Variants in SLC24A5 observed in about 807,000 individuals in gnomAD.
SLC24A5 encodes the protein sodium/potassium/calcium exchanger 5.
In SLC24A5, 46 loss-of-function variants were observed where a neutral mutation model predicts 51.6. The ratio of observed to expected loss-of-function variants is 0.89; its 90% confidence interval spans 0.70 to 1.14. The LOEUF (loss-of-function observed/expected upper bound fraction) is 1.14, where lower values mean the gene tolerates loss of function less well. Among genes scored for constraint, SLC24A5 ranks in the 50% most tolerant of loss-of-function variants. The pLI is 0.00. For synonymous variants in SLC24A5, 230 were observed against 214.9 expected (o/e 1.07, Z -0.62); for missense variants, 581 against 604.1 (o/e 0.96, Z 0.40).
At chr15:48,136,191 A>G (rs984946695) in intron 5 of SLC24A5, 2 of 152,132 alleles carry the variant, frequency 1.3e-5, no homozygotes, top group African/African-American at 4.8e-5. Flanking sequence ...TCCCAGCCTA[A>G]GCCTCCCATA....
At chr15:48,122,884 T>C (rs2038694161) in intron 2 of SLC24A5, 1 of 152,150 alleles carries the variant, frequency 6.6e-6, no homozygotes, top group African/African-American at 2.4e-5. Context: ...AAGGATTGGG[T>C]TTCCTATTGC....
chr15:48,129,559 C>T (rs1309833418), intron 2 of SLC24A5, among the ~76,000 whole-genome samples: 1 of 151,938 alleles, frequency 6.6e-6, no homozygotes, highest in African/African-American at 2.4e-5. Context: ...CCACAGGACG[C>T]CAAATTGCAT....
chr15:48,137,805 A>C (rs1435280556), intron 6 of SLC24A5: 1 of 152,146 alleles, frequency 6.6e-6, no homozygotes, highest in Non-Finnish European at 1.5e-5. Context: ...AAAGAAGAAA[A>C]ACAGCTGAGG....
chr15:48,140,958 T>G (rs545377253), intron 7 of SLC24A5, 155 bp from the exon 8 acceptor site: 1 of 538,572 alleles, frequency 1.9e-6, no homozygotes, highest in African/African-American at 1.9e-5. Flanking sequence ...TTCAAATATG[T>G]TGCTAGCTAA....
intron 2 of SLC24A5, among the ~76,000 whole-genome samples, chr15:48,133,831 G>C (rs2038828169): frequency 6.6e-6 from 1 of 152,138 alleles, no homozygotes; most frequent in African/African-American, 2.4e-5. Flanking sequence ...TGACTTAACA[G>C]ATGTGTGCAA....
At chr15:48,129,734 T>C (rs190117676) in intron 2 of SLC24A5, among the ~76,000 whole-genome samples, 18 of 151,900 alleles carry the variant, frequency 1.2e-4, no homozygotes, top group Admixed American at 7.2e-4. Flanking sequence ...GTAGGTATTA[T>C]AAAAGAAATT....
chr15:48,121,827 T>C (rs764458776), intron 1 of SLC24A5, 30 bp from the exon 2 acceptor site: 36 of 1,611,704 alleles, frequency 2.2e-5, no homozygotes, highest in Admixed American at 1.8e-4. Context: ...CTCCAAACTC[T>C]TCAAACTTTC....
chr15:48,136,910 C>G lies in SLC24A5; in HGVS notation c.818C>G (p.Ser273Cys). Residue 273 changes from serine to cysteine, a missense_variant, in exon 6 of 9, where the codon TCT becomes TGT. Physicochemically the swap from Ser to Cys is moderately radical, Grantham distance 112. Transcript: ENST00000341459. Reference protein sequence around the residue: ...RTDSGIFYEDSGYSQLSISLH... With the variant: ...RTDSGIFYEDCGYSQLSISLH... ...GATAGTGGAATATTTTATGAAGATT[C>G]TGGCTACTCTCAGCTCTCTATAAGT... is the stretch of plus-strand genomic sequence containing the variant. 6.2e-7 allele frequency: 1 copy of G among 1,613,794 alleles called. No homozygotes were observed. The highest frequency in any genetic ancestry group is 8.5e-7 in the Non-Finnish European group (1 of 1,179,756).
chr15:48,126,822 T>C (rs1720477769), intron 2 of SLC24A5, among the ~76,000 whole-genome samples: 1 of 152,224 alleles, frequency 6.6e-6, no homozygotes, highest in South Asian at 2.1e-4. Context: ...GTGTCTAAGA[T>C]TCCCTTGCTT....
chr15:48,123,243 C>T (rs573098915), intron 2 of SLC24A5: 20 of 151,538 alleles, frequency 1.3e-4, no homozygotes, highest in Middle Eastern at 3.4e-3. Flanking sequence ...TTTATCTTGA[C>T]GTTACATCTT....
intron 5 of SLC24A5, 48 bp downstream of exon 5, chr15:48,135,032 T>G (rs577455301): frequency 1.1e-5 from 16 of 1,426,036 alleles, no homozygotes; most frequent in Admixed American, 1.7e-5. Context: ...TTTTATGAAT[T>G]TCTGATGGTT....
rs754597154 is a variant in SLC24A5, at chr15:48,121,888, A to G, written c.153A>G (p.Ser51=). Residue 51 remains serine, a synonymous_variant, in exon 2 of 9, where the codon TCA becomes TCG. Coordinates refer to ENST00000341459, the MANE Select transcript of SLC24A5 (RefSeq NM_205850.3). ...GCACCCAATGTGTTATTTCTCCATC[A>G]TCGGAGTTTCCCGAAGGGTTTTTCA... ...GNSTQCVISP[S]SEFPEGFFTR... is the part of the protein sequence containing the mutation. The G allele has an allele frequency of 3.7e-6, 6 of 1,613,994 alleles. No individual in the cohort carries two copies. The highest frequency in any genetic ancestry group is 1.7e-5 in the Admixed American group (1 of 59,998).
At position 48,121,964 on chromosome 15, in the gene SLC24A5, G is replaced by A. The variant is rs1312635224; in HGVS notation, c.229G>A (p.Val77Ile). The A allele has an allele frequency of 3.1e-6, 5 of 1,614,028 alleles. No homozygotes were observed. The highest frequency in any genetic ancestry group is 1.7e-5 in the Admixed American group (1 of 60,016). Residue 77 changes from valine (V) to isoleucine (I), a missense_variant, in exon 2 of 9, where the codon GTT becomes ATT. By Grantham distance (29) the Val-to-Ile change is conservative. Transcript: ENST00000341459. ...GGIIIYFLII[V>I]YMFMAISIVC... is the part of the protein sequence containing the mutation. ...CATCATAATCTATTTCCTAATTATC[G>A]TTTACATGTTCATGGCCATATCTAT...
intron 6 of SLC24A5, chr15:48,137,307 G>T: frequency 4.5e-6 from 1 of 223,088 alleles, no homozygotes; most frequent in Non-Finnish European, 8.8e-6. Context: ...TTTAACTAAT[G>T]ACATATGTTA....
In SLC24A5 at chr15:48,142,321, AAAT is replaced by A; in HGVS notation, c.1479_1481del (p.Asn493del). 1 of 1,607,678 alleles carries A rather than the reference AAAT, an allele frequency of 6.2e-7. No homozygotes were observed. The highest frequency in any genetic ancestry group is 8.5e-7 in the Non-Finnish European group (1 of 1,176,492). On this transcript the variant is annotated inframe_deletion, in exon 9 of 9. Coordinates refer to ENST00000341459, the MANE Select transcript of SLC24A5 (RefSeq NM_205850.3). ...TTCTATATGAACTTGGAATTATTGG[AAAT>A]AATAAAATAAGGGGCTGTGGAGGTT...
At position 48,121,900 on chromosome 15, in the gene SLC24A5, C is replaced by A; in HGVS notation, c.165C>A (p.Pro55=). 1 of 1,614,118 alleles carries A rather than the reference C, an allele frequency of 6.2e-7. No individual in the cohort carries two copies. The highest frequency in any genetic ancestry group is 8.5e-7 in the Non-Finnish European group (1 of 1,179,998). ...QCVISPSSEF[P]EGFFTRQERR... The stretch of plus-strand genomic sequence containing the variant: ...TTATTTCTCCATCATCGGAGTTTCC[C>A]GAAGGGTTTTTCACGAGACAGGAGC... Residue 55 remains proline, a synonymous_variant, in exon 2 of 9, where the codon CCC becomes CCA. Transcript: ENST00000341459.
chr15:48,126,179 C>T (rs1597251183), intron 2 of SLC24A5, among the ~76,000 whole-genome samples: 1 of 152,174 alleles, frequency 6.6e-6, no homozygotes, highest in African/African-American at 2.4e-5. Context: ...CCTTGCTCTG[C>T]TCATGATCAT....
chr15:48,123,408 T>A (rs1178263843), intron 2 of SLC24A5: 1 of 152,124 alleles, frequency 6.6e-6, no homozygotes, highest in Non-Finnish European at 1.5e-5. Flanking sequence ...ATCTTTTGAA[T>A]CTTGCTTTAT....
intron 6 of SLC24A5, 183 bp downstream of exon 6, chr15:48,137,146 A>G (rs1386180957): frequency 1.5e-5 from 9 of 608,334 alleles, no homozygotes; most frequent in Non-Finnish European, 2.2e-5. Context: ...CAAAATAGCT[A>G]AAGTATGAAC....
Sources: allele counts gnomAD v4.1 joint callset (sites outside exome capture counted in the v4.1 genomes callset), GRCh38; gene constraint gnomAD v4.1.1; transcripts MANE v1.5; gene names NCBI Gene and HGNC (gene_info 2026-07-23, HGNC 2026-07-21).